BCAS3: variants seen among roughly 807,000 people sequenced by gnomAD.
BCAS3 encodes the protein BCAS4/BCAS3 fusion.
A neutral mutation model predicts 116.1 loss-of-function variants in BCAS3; 53 were observed. That is an observed-to-expected ratio of 0.46 (90% CI 0.37 to 0.57). BCAS3 has a LOEUF of 0.57. BCAS3 is among the 20% of genes least tolerant of loss of function. The pLI, the probability that BCAS3 is intolerant of heterozygous loss-of-function variation, is 0.00. For synonymous variants in BCAS3, 391 were observed against 408.2 expected, an observed-to-expected ratio of 0.96 and a Z score of 0.51; for missense variants, 917 against 1,165.4, an observed-to-expected ratio of 0.79 and a Z score of 3.10.
rs1214502872 is a variant in BCAS3 at position 61,186,992 on chromosome 17, G to A, written c.2425+102428G>A. Among the ~76,000 whole-genome samples, 1 of 152,162 alleles carries A rather than the reference G, an allele frequency of 6.6e-6. No individual in the cohort carries two copies. Among genetic ancestry groups the A allele is most frequent in the African/African-American group, 2.4e-5 (1 of 41,438 alleles). On this transcript the variant is annotated intron_variant, in intron 22 of 23. Coordinates refer to ENST00000407086, the MANE Select transcript of BCAS3 (RefSeq NM_017679.5). This position sits in a 1 kb window ranked among gnomAD's most constrained non-coding sequence, Gnocchi z 4.9. ...CCCAAAGTGCTGGGATTACAAGCGT[G>A]AGCCACTGCGCCCAGCCAACAGTTT...
chr17:61,105,028 T>G lies in BCAS3; in HGVS notation c.2425+20464T>G, dbSNP rs567545603. 6.6e-6 allele frequency among the ~76,000 whole-genome samples: 1 copy of G among 152,344 alleles called. No individual in the cohort carries two copies. Among genetic ancestry groups the G allele is most frequent in the South Asian group, 2.1e-4 (1 of 4,830 alleles). ...ATACTTCAGGTAACCTCCGTGGGTT[T>G]CCTCACTGCTGTTGGCTCAGCTGTG... On this transcript the variant is annotated intron_variant, in intron 22 of 23. Coordinates refer to ENST00000407086, the MANE Select transcript of BCAS3 (RefSeq NM_017679.5). This position sits in a 1 kb window ranked among gnomAD's most constrained non-coding sequence, Gnocchi z 4.3.
In BCAS3 at chr17:61,013,729, C is replaced by T. The variant is rs193067334; in HGVS notation, c.1487-2022C>T. ...TATTTGCATGAATTTCTTATCTTTC[C>T]CCATATTTTACAAAAGAGACATTTA... On this transcript the variant is annotated intron_variant, in intron 15 of 23. Transcript: ENST00000407086. The surrounding 1 kb of genome is among the most constrained non-coding windows in gnomAD (Gnocchi z 4.4). Among the ~76,000 whole-genome samples the T allele has an allele frequency of 4.6e-5, 7 of 151,996 alleles. No individual in the cohort carries two copies. The highest frequency in any genetic ancestry group is 1.2e-4 in the African/African-American group (5 of 41,484).
At chr17:61,062,150 C>T (rs2070121054) in intron 19 of BCAS3, among the ~76,000 whole-genome samples, 1 of 151,944 alleles carries the variant, frequency 6.6e-6, no homozygotes, top group Admixed American at 6.6e-5. Flanking sequence ...GTTCCTATTC[C>T]ACAACTTTTA....
intron 19 of BCAS3, among the ~76,000 whole-genome samples, chr17:61,045,862 T>TA (rs2068031320): frequency 6.1e-4 from 4 of 6,520 alleles, no homozygotes; most frequent in South Asian, 3.1e-3. Flanking sequence ...TATATATATA[T>TA]ATAAATATAT....
At chr17:60,833,058 G>A (rs1599024501) in intron 7 of BCAS3, among the ~76,000 whole-genome samples, 1 of 152,114 alleles carries the variant, frequency 6.6e-6, no homozygotes, top group East Asian at 1.9e-4. Context: ...TAGAGATAGG[G>A]GTCTCACTGT....
intron 4 of BCAS3, among the ~76,000 whole-genome samples, chr17:60,708,113 C>T (rs1362835706): frequency 6.6e-6 from 1 of 151,986 alleles, no homozygotes; most frequent in African/African-American, 2.4e-5. Context: ...TGCTTGAGCT[C>T]AGGAGTTTGA....
chr17:61,172,847 G>A (rs1169155734), intron 22 of BCAS3, among the ~76,000 whole-genome samples: 1 of 151,802 alleles, frequency 6.6e-6, no homozygotes, highest in Non-Finnish European at 1.5e-5. Flanking sequence ...AATTAGCCGG[G>A]CGTGGCGGTG....
intron 11 of BCAS3, among the ~76,000 whole-genome samples, chr17:60,903,457 A>G (rs1371741979): frequency 6.6e-6 from 1 of 152,250 alleles, no homozygotes; most frequent in East Asian, 1.9e-4. Context: ...ATTAACCATT[A>G]GGTCTTTATG....
At position 60,990,790 on chromosome 17, in the gene BCAS3, G is replaced by A. The variant is rs1348646141; in HGVS notation, c.1486+555G>A. The stretch of plus-strand genomic sequence containing the variant: ...GCCTCCCGAGCAGCTGGGATTACAG[G>A]CATCCGCCACCACGCCTGGCTGATT... On this transcript the variant is annotated intron_variant, in intron 15 of 23. Coordinates refer to ENST00000407086, the MANE Select transcript of BCAS3 (RefSeq NM_017679.5). This position sits in a 1 kb window ranked among gnomAD's most constrained non-coding sequence, Gnocchi z 5.1. Among the ~76,000 whole-genome samples the A allele has an allele frequency of 6.6e-6, 1 of 152,090 alleles. No homozygotes were observed. Among genetic ancestry groups the A allele is most frequent in the Non-Finnish European group, 1.5e-5 (1 of 68,030 alleles).
At chr17:61,232,186 C>T (rs1602061577) in intron 22 of BCAS3, among the ~76,000 whole-genome samples, 1 of 93,242 alleles carries the variant, frequency 1.1e-5, no homozygotes. Flanking sequence ...GCCTGGGTGA[C>T]AGTGAAAGAC....
chr17:60,777,532 A>C (rs1398766144), intron 6 of BCAS3, among the ~76,000 whole-genome samples: 2 of 152,168 alleles, frequency 1.3e-5, no homozygotes, highest in Non-Finnish European at 2.9e-5. Context: ...AGGCTGAGGC[A>C]TGAAAATCGC....
chr17:60,720,716 A>C (rs73334322), intron 5 of BCAS3, among the ~76,000 whole-genome samples: 6,641 of 152,256 alleles, frequency 0.044, 525 homozygotes, highest in African/African-American at 0.15. Context: ...GAGATGATTT[A>C]AAGTATATAG....
At chr17:61,069,871 A>G in intron 19 of BCAS3, 1 of 934,544 alleles carries the variant, frequency 1.1e-6, no homozygotes, top group South Asian at 1.3e-5. Context: ...TTTTCACAAG[A>G]TGGCGCCGAA....
rs768908289 is a variant in BCAS3, at chr17:61,015,858, A to G, written c.1594A>G (p.Ile532Val). Residue 532 changes from isoleucine (I) to valine (V), a missense_variant, in exon 16 of 24, where the codon ATC becomes GTC. Coordinates refer to ENST00000407086, the MANE Select transcript of BCAS3 (RefSeq NM_017679.5). ...GATGGTAGTGATGCCTCTTGCACAA[A>G]TCAAGCAGCCAATGACATTGGGGAC... ...SLMVVMPLAQIKQPMTLGTIT... is the reference protein window; with the variant it reads ...SLMVVMPLAQVKQPMTLGTIT... 6.2e-7 allele frequency: 1 copy of G among 1,614,090 alleles called. No homozygotes were observed. The highest frequency in any genetic ancestry group is 1.7e-5 in the Admixed American group (1 of 60,008).
intron 8 of BCAS3, 52 bp from the exon 9 acceptor site, chr17:60,874,609 GA>G (rs2055420888): frequency 4.6e-6 from 6 of 1,306,886 alleles, no homozygotes; most frequent in Non-Finnish European, 6.6e-6. Context: ...TCCACTTACA[GA>G]ATTTCACATT....
intron 22 of BCAS3, among the ~76,000 whole-genome samples, chr17:61,121,149 C>G (rs1332244883): frequency 6.6e-6 from 1 of 152,022 alleles, no homozygotes; most frequent in Non-Finnish European, 1.5e-5. Flanking sequence ...CTCTTTTCAG[C>G]ATACAGAGTT....
chr17:61,193,226 C>T (rs997080679), intron 22 of BCAS3, among the ~76,000 whole-genome samples: 2 of 152,098 alleles, frequency 1.3e-5, no homozygotes, highest in African/African-American at 4.8e-5. Context: ...CATGGCACTG[C>T]ACTCCAGCCT....
In BCAS3 at chr17:61,097,099, A is replaced by G. The variant is rs1249256045; in HGVS notation, c.2425+12535A>G. Among the ~76,000 whole-genome samples, 4 of 152,366 alleles carry G rather than the reference A, an allele frequency of 2.6e-5. No homozygotes were observed. In the East Asian group the frequency reaches 5.8e-4, roughly 22 times the overall value. On this transcript the variant is annotated intron_variant, in intron 22 of 23. Transcript: ENST00000407086. This position sits in a 1 kb window ranked among gnomAD's most constrained non-coding sequence, Gnocchi z 4.0. ...AATAAACACAAAGAAAACCATACGT[A>G]GACATATTATAATCAAACTGTTCAG...
intron 4 of BCAS3, among the ~76,000 whole-genome samples, chr17:60,703,003 G>T (rs150691455): frequency 6.6e-6 from 1 of 152,086 alleles, no homozygotes; most frequent in Non-Finnish European, 1.5e-5. Context: ...GGCTGGGCGC[G>T]GTGGCTCATG....
Sources: allele counts gnomAD v4.1 joint callset (sites outside exome capture counted in the v4.1 genomes callset), GRCh38; gene constraint gnomAD v4.1.1; non-coding constraint Gnocchi (gnomAD v3.1); transcripts MANE v1.5; gene names NCBI Gene and HGNC (gene_info 2026-07-23, HGNC 2026-07-21).